Variants in PRKN observed in about 807,000 individuals in gnomAD.
PRKN encodes the protein parkin RBR E3 ubiquitin protein ligase.
A neutral mutation model predicts 59.5 loss-of-function variants in PRKN; 56 were observed. The observed-to-expected ratio is 0.94, with a 90% confidence interval of 0.76 to 1.18. The LOEUF (loss-of-function observed/expected upper bound fraction) is 1.18. Among genes scored for constraint, PRKN ranks in the 50% most tolerant of loss-of-function variants. The pLI, the probability that PRKN is intolerant of heterozygous loss-of-function variation, is 0.00. For synonymous variants in PRKN, 250 were observed against 222.1 expected (o/e 1.13, Z -1.12); for missense variants, 657 against 596.4 (o/e 1.10, Z -1.06).
At chr6:162,322,787 C>T (rs1182223044) in intron 2 of PRKN, among the ~76,000 whole-genome samples, 1 of 151,910 alleles carries the variant, frequency 6.6e-6, no homozygotes, top group East Asian at 1.9e-4. Context: ...TAAAAATGAA[C>T]TTGATTCACA....
intron 1 of PRKN, among the ~76,000 whole-genome samples, chr6:162,609,087 T>G (rs1396532650): frequency 6.6e-6 from 1 of 152,082 alleles, no homozygotes; most frequent in Admixed American, 6.6e-5. Context: ...AACTTCCAGA[T>G]AGAAGAGAAA....
intron 7 of PRKN, among the ~76,000 whole-genome samples, chr6:161,715,894 C>T (rs1435961173): frequency 1.3e-5 from 2 of 152,208 alleles, no homozygotes; most frequent in East Asian, 3.9e-4. Flanking sequence ...AGGGACTCCA[C>T]ACCAGCACCA....
intron 7 of PRKN, among the ~76,000 whole-genome samples, chr6:161,694,709 A>G (rs1235174658): frequency 6.6e-6 from 1 of 152,228 alleles, no homozygotes; most frequent in Non-Finnish European, 1.5e-5. Flanking sequence ...ATCAGTGGTT[A>G]AAGTTCCCAC....
chr6:161,916,496 T>C (rs1778563658), intron 6 of PRKN, among the ~76,000 whole-genome samples: 1 of 152,188 alleles, frequency 6.6e-6, no homozygotes, highest in African/African-American at 2.4e-5. Flanking sequence ...TTAGAAGATG[T>C]CATTAGTGGA....
At chr6:162,521,678 A>G (rs1018632262) in intron 1 of PRKN, among the ~76,000 whole-genome samples, 1 of 152,136 alleles carries the variant, frequency 6.6e-6, no homozygotes, top group African/African-American at 2.4e-5. Context: ...GTGTATGTGT[A>G]TAACGTACAT....
intron 1 of PRKN, among the ~76,000 whole-genome samples, chr6:162,465,985 G>A (rs564367092): frequency 9.2e-5 from 14 of 152,038 alleles, no homozygotes; most frequent in Admixed American, 2.0e-4. Flanking sequence ...TTCTTAAGAC[G>A]ACAACTCCAA....
At position 161,410,023 on chromosome 6, in the gene PRKN, C is replaced by T. The variant is rs1787450493; in HGVS notation, c.1084-23146G>A. Among the ~76,000 whole-genome samples, 1 of 152,184 alleles carries T rather than the reference C, an allele frequency of 6.6e-6. No individual in the cohort carries two copies. The highest frequency in any genetic ancestry group is 1.5e-5 in the Non-Finnish European group (1 of 68,040). ...AAAAGTGCTAAGCCAGGCACAGTGA[C>T]CTTTCCTGTACCTGTGCTAGGATGC... On this transcript the variant is annotated intron_variant, in intron 9 of 11. Coordinates refer to ENST00000366898, the MANE Select transcript of PRKN (RefSeq NM_004562.3). This position sits in a 1 kb window ranked among gnomAD's most constrained non-coding sequence, Gnocchi z 5.3.
chr6:162,448,874 CCTCTCT>C (rs149755820), intron 1 of PRKN, among the ~76,000 whole-genome samples: 2 of 139,562 alleles, frequency 1.4e-5, no homozygotes, highest in African/African-American at 5.4e-5. Context: ...TCTTTCTTTT[CCTCTCT>C]CTCTCTCTCC....
At chr6:162,683,620 C>T (rs921420584) in intron 1 of PRKN, among the ~76,000 whole-genome samples, 1 of 151,952 alleles carries the variant, frequency 6.6e-6, no homozygotes, top group Non-Finnish European at 1.5e-5. Context: ...TAAATTCATA[C>T]AAAAATCACG....
rs115734693 is a variant in PRKN at position 161,956,169 on chromosome 6, G to T, written c.734+17133C>A. On this transcript the variant is annotated intron_variant, in intron 6 of 11. Transcript: ENST00000366898. ...CCTTTTGAAGAAGTTGAGAGACTGGGGAACTTGCCCAGGAAACAAGACAAC... is the reference window on the plus strand; with the variant it reads ...CCTTTTGAAGAAGTTGAGAGACTGGTGAACTTGCCCAGGAAACAAGACAAC... Among the ~76,000 whole-genome samples, 1,083 of 152,238 alleles carry T rather than the reference G, an allele frequency of 7.1e-3. 15 individuals carry two copies. The highest frequency in any genetic ancestry group is 0.025 in the African/African-American group (1,048 of 41,544).
At chr6:162,462,135 C>T (rs754988113) in intron 1 of PRKN, among the ~76,000 whole-genome samples, 21 of 152,080 alleles carry the variant, frequency 1.4e-4, no homozygotes, top group Admixed American at 3.3e-4. Context: ...AAACTTTTAA[C>T]GAGCTAAATT....
intron 7 of PRKN, among the ~76,000 whole-genome samples, chr6:161,640,499 GA>G (rs1235096508): frequency 6.6e-6 from 1 of 152,140 alleles, no homozygotes; most frequent in Non-Finnish European, 1.5e-5. Context: ...CAACTGGTAT[GA>G]AACAAGAGAC....
intron 8 of PRKN, among the ~76,000 whole-genome samples, chr6:161,558,328 G>A (rs1382949000): frequency 6.6e-6 from 1 of 152,110 alleles, no homozygotes; most frequent in Non-Finnish European, 1.5e-5. Flanking sequence ...TTGGGAGGCT[G>A]ACGTGGGAGG....
At chr6:161,985,247 A>C (rs1242033770) in intron 5 of PRKN, among the ~76,000 whole-genome samples, 1 of 152,186 alleles carries the variant, frequency 6.6e-6, no homozygotes, top group African/African-American at 2.4e-5. Flanking sequence ...TTAGAAGCTA[A>C]AGGTTTCACA....
At chr6:162,339,615 G>A (rs2128127662) in intron 2 of PRKN, among the ~76,000 whole-genome samples, 1 of 151,908 alleles carries the variant, frequency 6.6e-6, no homozygotes, top group South Asian at 2.1e-4. Context: ...CCTCTGCCTG[G>A]CCACCACCCC....
intron 9 of PRKN, among the ~76,000 whole-genome samples, chr6:161,482,942 T>A (rs952615224): frequency 6.6e-6 from 1 of 152,226 alleles, no homozygotes; most frequent in African/African-American, 2.4e-5. Flanking sequence ...TAATGTTTCA[T>A]AGCTTTTTGA....
intron 4 of PRKN, among the ~76,000 whole-genome samples, chr6:162,121,991 C>T (rs1263611910): frequency 6.6e-6 from 1 of 152,064 alleles, no homozygotes; most frequent in Non-Finnish European, 1.5e-5. Context: ...AGGTAAGGGG[C>T]TTGGAAAGAA....
intron 2 of PRKN, among the ~76,000 whole-genome samples, chr6:162,331,264 T>C (rs1783559272): frequency 6.6e-6 from 1 of 151,860 alleles, no homozygotes; most frequent in African/African-American, 2.4e-5. Context: ...AGGCCCCTCC[T>C]CCAGCAATGG....
rs548788258 is a variant in PRKN, at chr6:162,445,734, A to G, written c.8-2261T>C. Among the ~76,000 whole-genome samples the G allele has an allele frequency of 6.9e-4, 90 of 130,418 alleles. 2 individuals are homozygous for G. The highest frequency in any genetic ancestry group is 2.4e-3 in the African/African-American group (84 of 34,428). The allele number at this position is 130,418 out of a possible 152,430, so 85.6% of individuals were successfully genotyped here. On this transcript the variant is annotated intron_variant, in intron 1 of 11. Transcript: ENST00000366898. ...AAAAAAAAAAAAAAAAAAAGTCCAC[A>G]TTTCTATCCCTCATGATTAAAAAGA...
Sources: gnomAD v4.1 joint callset for allele counts (sites outside exome capture counted in the v4.1 genomes callset) on GRCh38, gnomAD v4.1.1 for gene constraint, Gnocchi (gnomAD v3.1) non-coding constraint, MANE v1.5 for transcripts, NCBI Gene and HGNC (gene_info 2026-07-23, HGNC 2026-07-21) for gene names.